The following MEIS2 variants were observed in gnomAD, a reference collection of about 807,000 sequenced individuals.
The protein encoded by MEIS2 is homeobox protein Meis2.
Under a neutral mutation model 58.6 loss-of-function variants are expected in MEIS2, and 9 were observed. The observed-to-expected ratio is 0.15, with a 90% CI of 0.09 to 0.27. The LOEUF (loss-of-function observed/expected upper bound fraction) is 0.27, where lower values mean the gene tolerates loss of function less well. MEIS2 is among the 10% of genes least tolerant of loss of function. MEIS2 has a pLI of 1.00. For synonymous variants in MEIS2, 221 were observed against 228.4 expected (o/e 0.97, Z 0.29); for missense variants, 427 against 635.0 (o/e 0.67, Z 3.52).
intron 9 of MEIS2, among the ~76,000 whole-genome samples, chr15:36,926,232 C>T (rs760893427): frequency 7.3e-5 from 11 of 151,488 alleles, no homozygotes; most frequent in African/African-American, 2.2e-4. Flanking sequence ...CTGCATACAA[C>T]ATTAAAGCAG....
rs190832889 is a variant in MEIS2 at position 36,920,851 on chromosome 15, T to C, written c.978-24165A>G. On this transcript the variant is annotated intron_variant, in intron 9 of 11. Transcript: ENST00000561208. Reference sequence around the variant, plus strand: ...GTGGAATCTGTTGTTCTACATCCTTTACCTAGACTGGAACTGACCAGTCTG... The same window carrying C: ...GTGGAATCTGTTGTTCTACATCCTTCACCTAGACTGGAACTGACCAGTCTG... 2.3e-4 allele frequency among the ~76,000 whole-genome samples: 35 copies of C among 152,312 alleles called. 1 individual carries two copies. The Middle Eastern group carries it at 0.01, about 44-fold the overall frequency.
In MEIS2 at chr15:37,094,062, A is replaced by G. The variant is rs188594348; in HGVS notation, c.490-332T>C. ...GATAATAACATCAAAACATTACAAC[A>G]TTGGAGCTGGGGAGAGCATTAACGT... On this transcript the variant is annotated intron_variant, in intron 5 of 11. Transcript: ENST00000561208. 2.2e-4 allele frequency: 70 copies of G among 312,534 alleles called. No individual in the cohort carries two copies. In the East Asian group the frequency reaches 4.3e-3, roughly 19 times the overall value. The allele number at this position is 312,534 out of a possible 1,614,324, so 19.4% of individuals were successfully genotyped here. A position where few individuals can be genotyped will look rare whatever the true frequency, so the allele number is the denominator to read the frequency against.
chr15:36,915,793 G>A (rs1470866653), intron 9 of MEIS2, among the ~76,000 whole-genome samples: 1 of 152,218 alleles, frequency 6.6e-6, no homozygotes, highest in Non-Finnish European at 1.5e-5. Flanking sequence ...GAGTCAAGTG[G>A]AAGTATGTGC....
At chr15:37,070,771 CCT>C (rs1272675680) in intron 7 of MEIS2, among the ~76,000 whole-genome samples, 2 of 151,956 alleles carry the variant, frequency 1.3e-5, no homozygotes, top group African/African-American at 4.8e-5. Context: ...GCCCTTGTGC[CCT>C]GTCTACAAGT....
At chr15:36,957,087 C>T (rs1315456044) in intron 8 of MEIS2, among the ~76,000 whole-genome samples, 2 of 151,950 alleles carry the variant, frequency 1.3e-5, no homozygotes, top group Non-Finnish European at 2.9e-5. Context: ...TTTTTTAAAT[C>T]ATAAAATTTG....
At chr15:36,894,959 T>C (rs988914408) in intron 11 of MEIS2, 192 bp downstream of exon 11, 2 of 880,358 alleles carry the variant, frequency 2.3e-6, no homozygotes, top group Non-Finnish European at 3.7e-6. Flanking sequence ...CAGAGTATAA[T>C]GGTACTGTGG....
intron 9 of MEIS2, among the ~76,000 whole-genome samples, chr15:36,918,343 C>T (rs2057364372): frequency 1.3e-5 from 2 of 152,246 alleles, no homozygotes; most frequent in South Asian, 4.1e-4. Context: ...TTTTCTGTGG[C>T]TTAATCTCCT....
intron 9 of MEIS2, among the ~76,000 whole-genome samples, chr15:36,937,903 AT>A (rs1212218527): frequency 4.6e-5 from 7 of 152,216 alleles, no homozygotes; most frequent in African/African-American, 1.7e-4. Context: ...TTATTATCCT[AT>A]GTAAACTTGC....
At chr15:37,056,232 G>C (rs1211861290) in intron 7 of MEIS2, among the ~76,000 whole-genome samples, 2 of 152,220 alleles carry the variant, frequency 1.3e-5, no homozygotes, top group Non-Finnish European at 2.9e-5. Context: ...TGACTGCCAA[G>C]AGGTGTGTTA....
chr15:37,013,572 CAA>C (rs201784040), intron 8 of MEIS2, among the ~76,000 whole-genome samples: 2 of 135,616 alleles, frequency 1.5e-5, no homozygotes, highest in East Asian at 2.1e-4. Flanking sequence ...AACTCCAACT[CAA>C]AAAAAAAAAT....
In MEIS2 at chr15:37,098,990, G is replaced by A. The variant is rs1894750409; in HGVS notation, c.12+465C>T. The A allele has an allele frequency of 4.1e-6, 4 of 983,976 alleles. No individual in the cohort carries two copies. The African/African-American group carries it at 5.3e-5, about 13-fold the overall frequency. The allele number at this position is 983,976 out of a possible 1,614,324, so 61.0% of individuals were successfully genotyped here. On this transcript the variant is annotated intron_variant, in intron 1 of 11. Coordinates refer to ENST00000561208, the MANE Select transcript of MEIS2 (RefSeq NM_170675.5). ...CCAGGCTAGTAGTCTAGGCGGCGGC[G>A]CAGCGGCTGCGGCAGCGCGGCCCCA...
intron 9 of MEIS2, among the ~76,000 whole-genome samples, chr15:36,940,318 C>A (rs984339174): frequency 1.3e-5 from 2 of 152,048 alleles, no homozygotes; most frequent in African/African-American, 4.8e-5. Context: ...CTACTTAAAC[C>A]CCCTGCTCAT....
intron 9 of MEIS2, among the ~76,000 whole-genome samples, chr15:36,899,338 C>T (rs1193083476): frequency 6.6e-6 from 1 of 152,152 alleles, no homozygotes; most frequent in East Asian, 1.9e-4. Context: ...TGTAAGAAAA[C>T]CCTGACATTA....
At chr15:37,018,593 G>T (rs1391891459) in intron 8 of MEIS2, among the ~76,000 whole-genome samples, 1 of 152,168 alleles carries the variant, frequency 6.6e-6, no homozygotes, top group African/African-American at 2.4e-5. Flanking sequence ...CTGATTTGGA[G>T]TCCGAGTATT....
intron 9 of MEIS2, among the ~76,000 whole-genome samples, chr15:36,924,781 A>G (rs1033301268): frequency 6.6e-6 from 1 of 152,308 alleles, no homozygotes; most frequent in South Asian, 2.1e-4. Flanking sequence ...CAAATGGATG[A>G]GTTTCCCTGA....
At chr15:37,032,118 T>C (rs1194330326) in intron 8 of MEIS2, among the ~76,000 whole-genome samples, 1 of 152,074 alleles carries the variant, frequency 6.6e-6, no homozygotes, top group African/African-American at 2.4e-5. Flanking sequence ...AAAAGTAAAA[T>C]TTGCTTCTGA....
intron 7 of MEIS2, among the ~76,000 whole-genome samples, chr15:37,078,421 T>G (rs1163709987): frequency 6.6e-6 from 1 of 150,540 alleles, no homozygotes; most frequent in Admixed American, 6.6e-5. Context: ...GTGAAAGACA[T>G]TCATGACCAA....
intron 8 of MEIS2, among the ~76,000 whole-genome samples, chr15:37,014,379 ACAT>A (rs2061270415): frequency 6.6e-6 from 1 of 152,206 alleles, no homozygotes; most frequent in African/African-American, 2.4e-5. Flanking sequence ...TGGGGAAATG[ACAT>A]CATAACACCA....
At chr15:36,998,753 T>A (rs1327466959) in intron 8 of MEIS2, among the ~76,000 whole-genome samples, 1 of 152,200 alleles carries the variant, frequency 6.6e-6, no homozygotes, top group Admixed American at 6.5e-5. Context: ...GCTTGAAGCG[T>A]ACTGCTCTGA....
Sources: allele counts gnomAD v4.1 joint callset (sites outside exome capture counted in the v4.1 genomes callset), GRCh38; gene constraint gnomAD v4.1.1; transcripts MANE v1.5; gene names NCBI Gene and HGNC (gene_info 2026-07-23, HGNC 2026-07-21).